Variants in GRM1 observed in about 807,000 individuals in gnomAD.
GRM1 encodes the protein metabotropic glutamate receptor 1.
A neutral mutation model predicts 90.9 loss-of-function variants in GRM1; 33 were observed. That is an observed-to-expected ratio of 0.36 (90% CI 0.28 to 0.49). GRM1 has a LOEUF of 0.49. GRM1 is among the 20% of genes least tolerant of loss of function. GRM1 has a pLI of 0.99. For synonymous variants in GRM1, 700 were observed against 613.2 expected (o/e 1.14, Z -2.09); for missense variants, 1,190 against 1,534.3 (o/e 0.78, Z 3.75).
intron 1 of GRM1, among the ~76,000 whole-genome samples, chr6:146,090,940 A>T (rs1441171069): frequency 1.3e-5 from 2 of 152,098 alleles, no homozygotes; most frequent in Non-Finnish European, 2.9e-5. Context: ...AAAAAAAACC[A>T]AAAAGAGCAT....
At chr6:146,208,740 G>C (rs1375687701) in intron 2 of GRM1, among the ~76,000 whole-genome samples, 1 of 152,026 alleles carries the variant, frequency 6.6e-6, no homozygotes, top group Non-Finnish European at 1.5e-5. Context: ...CTAGAAGAAA[G>C]ATAAATTACT....
chr6:146,279,739 A>T (rs1782498405), intron 2 of GRM1, among the ~76,000 whole-genome samples: 1 of 152,158 alleles, frequency 6.6e-6, no homozygotes, highest in Non-Finnish European at 1.5e-5. Context: ...ATATAAAAAC[A>T]CCATTTTTTT....
intron 2 of GRM1, among the ~76,000 whole-genome samples, chr6:146,231,697 A>T (rs977505587): frequency 6.6e-6 from 1 of 151,932 alleles, no homozygotes; most frequent in African/African-American, 2.4e-5. Flanking sequence ...TTGTGTGTTG[A>T]TATGGTGAAT....
At chr6:146,116,383 C>G (rs796604651) in intron 1 of GRM1, among the ~76,000 whole-genome samples, 9 of 152,202 alleles carry the variant, frequency 5.9e-5, no homozygotes, top group African/African-American at 2.2e-4. Flanking sequence ...TGTCAGTAAA[C>G]AGTTACAACA....
chr6:146,358,704 A>G (rs362840), intron 5 of GRM1, among the ~76,000 whole-genome samples: 27,608 of 152,006 alleles, frequency 0.18, 2,613 homozygotes, highest in African/African-American at 0.23. Flanking sequence ...TATAATGCTA[A>G]GTTTAGACAG....
At chr6:146,104,981 G>A (rs1417778943) in intron 1 of GRM1, among the ~76,000 whole-genome samples, 1 of 152,144 alleles carries the variant, frequency 6.6e-6, no homozygotes, top group Non-Finnish European at 1.5e-5. Context: ...GGCATGAGGG[G>A]ATCTGCTGTG....
chr6:146,419,003 C>G (rs886332580), intron 7 of GRM1, among the ~76,000 whole-genome samples: 1 of 151,734 alleles, frequency 6.6e-6, no homozygotes, highest in African/African-American at 2.4e-5. Flanking sequence ...AGACTATGGC[C>G]TATGGGAGAT....
At chr6:146,151,717 A>G (rs1777343454) in intron 1 of GRM1, among the ~76,000 whole-genome samples, 2 of 152,176 alleles carry the variant, frequency 1.3e-5, no homozygotes, top group Non-Finnish European at 1.5e-5. Flanking sequence ...TCAGAGTTGC[A>G]GCCATTATTT....
chr6:146,222,748 G>T (rs908646801), intron 2 of GRM1, among the ~76,000 whole-genome samples: 1 of 151,966 alleles, frequency 6.6e-6, no homozygotes, highest in Non-Finnish European at 1.5e-5. Flanking sequence ...CCAAATATCC[G>T]GGTACCCTGT....
chr6:146,132,601 T>C lies in GRM1; in HGVS notation c.701-26747T>C, dbSNP rs1776450172. Among the ~76,000 whole-genome samples the C allele has an allele frequency of 2.0e-5, 3 of 152,172 alleles. No individual in the cohort carries two copies. In the South Asian group the frequency reaches 6.2e-4, roughly 32 times the overall value. ...CCTCTTGTTTTGTTAACTGAAAAGATCTGTAATTTACTCCTATTTTAGAAT... is the reference window on the plus strand; with the variant it reads ...CCTCTTGTTTTGTTAACTGAAAAGACCTGTAATTTACTCCTATTTTAGAAT... On this transcript the variant is annotated intron_variant, in intron 1 of 7. Transcript: ENST00000282753.
intron 7 of GRM1, among the ~76,000 whole-genome samples, chr6:146,423,730 G>A (rs535662038): frequency 1.3e-5 from 2 of 152,216 alleles, no homozygotes; most frequent in East Asian, 1.9e-4. Context: ...TCAGTACACC[G>A]AGTTGCTAAG....
intron 2 of GRM1, among the ~76,000 whole-genome samples, chr6:146,229,850 G>C (rs1407128183): frequency 6.6e-6 from 1 of 152,124 alleles, no homozygotes; most frequent in African/African-American, 2.4e-5. Context: ...GCTCACAACA[G>C]ACCTATAAGA....
intron 1 of GRM1, among the ~76,000 whole-genome samples, chr6:146,117,720 A>G (rs1253616599): frequency 6.6e-6 from 1 of 152,112 alleles, no homozygotes; most frequent in Non-Finnish European, 1.5e-5. Flanking sequence ...TTTTCCTATC[A>G]GTTTCAAAGC....
At chr6:146,276,839 G>A (rs1258248712) in intron 2 of GRM1, among the ~76,000 whole-genome samples, 1 of 152,102 alleles carries the variant, frequency 6.6e-6, no homozygotes, top group East Asian at 1.9e-4. Context: ...GGTGGTTTAC[G>A]TATGTAATCC....
chr6:146,169,729 AT>A lies in GRM1; in HGVS notation c.950+10136del, dbSNP rs907243530. ...ATGGGCAATTTGGTTCATCTCTTTG[AT>A]TTTACTTTTCTGGAGAATTATAGTC... On this transcript the variant is annotated intron_variant, in intron 2 of 7. Coordinates refer to ENST00000282753, the MANE Select transcript of GRM1 (RefSeq NM_001278064.2). 7.9e-5 allele frequency among the ~76,000 whole-genome samples: 12 copies of A among 152,158 alleles called. No homozygotes were observed. In the South Asian group the frequency reaches 1.0e-3, roughly 13 times the overall value.
intron 1 of GRM1, among the ~76,000 whole-genome samples, chr6:146,040,954 T>C (rs1791077860): frequency 6.6e-6 from 1 of 151,900 alleles, no homozygotes; most frequent in Non-Finnish European, 1.5e-5. Flanking sequence ...TTCTTTTTTC[T>C]CCTCTGAATG....
intron 3 of GRM1, among the ~76,000 whole-genome samples, chr6:146,339,003 T>C (rs748751526): frequency 3.3e-5 from 5 of 152,204 alleles, no homozygotes; most frequent in Non-Finnish European, 7.3e-5. Flanking sequence ...GTCCTTATAG[T>C]TGGACCCACA....
intron 1 of GRM1, among the ~76,000 whole-genome samples, chr6:146,064,464 C>G (rs1381437559): frequency 6.6e-6 from 1 of 152,108 alleles, no homozygotes; most frequent in Non-Finnish European, 1.5e-5. Flanking sequence ...TTTAGCCATG[C>G]TTTCTCCATT....
intron 3 of GRM1, among the ~76,000 whole-genome samples, chr6:146,351,457 C>G (rs1236204364): frequency 6.6e-6 from 1 of 152,186 alleles, no homozygotes; most frequent in African/African-American, 2.4e-5. Flanking sequence ...TCATCCATAT[C>G]TAAGTCCTGA....
Sources: allele counts gnomAD v4.1 joint callset (sites outside exome capture counted in the v4.1 genomes callset), GRCh38; gene constraint gnomAD v4.1.1; transcripts MANE v1.5; gene names NCBI Gene and HGNC (gene_info 2026-07-23, HGNC 2026-07-21).